The following STXBP3 variants were observed in gnomAD, a reference collection of about 807,000 sequenced individuals.
The protein encoded by STXBP3 is syntaxin binding protein 3, also known as syntaxin-binding protein 3.
STXBP3 carries 41 observed loss-of-function variants against 85.7 expected under a neutral mutation model. The ratio of observed to expected loss-of-function variants is 0.48; its 90% CI spans 0.37 to 0.62. The LOEUF (loss-of-function observed/expected upper bound fraction) is 0.62. Among genes scored for constraint, STXBP3 ranks in the 20% least tolerant of loss-of-function variants. The pLI, the probability that STXBP3 is intolerant of heterozygous loss-of-function variation, is 0.00. For synonymous variants in STXBP3, 229 were observed against 231.7 expected, an observed-to-expected ratio of 0.99 and a Z score of 0.10; for missense variants, 563 against 703.1, an observed-to-expected ratio of 0.80 and a Z score of 2.25.
chr1:108,773,561 C>A (rs555548317), intron 7 of STXBP3, among the ~76,000 whole-genome samples: 27 of 152,232 alleles, frequency 1.8e-4, no homozygotes, highest in African/African-American at 6.5e-4. Context: ...CCCAGTTATT[C>A]TAGTTCAGGC....
At chr1:108,799,560 C>T (rs1011638869) in intron 16 of STXBP3, among the ~76,000 whole-genome samples, 2 of 152,112 alleles carry the variant, frequency 1.3e-5, no homozygotes, top group Non-Finnish European at 2.9e-5. Context: ...CTACTGAGTA[C>T]TTTGTGCCCA....
intron 6 of STXBP3, among the ~76,000 whole-genome samples, chr1:108,764,031 C>T (rs910765708): frequency 6.6e-6 from 1 of 152,252 alleles, no homozygotes; most frequent in Admixed American, 6.5e-5. Flanking sequence ...TCCTTTCCCT[C>T]CTCCCACCCT....
intron 8 of STXBP3, among the ~76,000 whole-genome samples, chr1:108,777,819 A>G (rs1291790748): frequency 6.6e-6 from 1 of 152,108 alleles, no homozygotes; most frequent in Non-Finnish European, 1.5e-5. Flanking sequence ...TTCCTCCCAC[A>G]TGCTATCATA....
intron 9 of STXBP3, chr1:108,781,731 C>G (rs1306574629): frequency 6.6e-6 from 1 of 152,114 alleles, no homozygotes; most frequent in East Asian, 1.9e-4. Context: ...TTGTTTGAGT[C>G]AGAGTCTTGT....
At chr1:108,769,950 C>T (rs1662347251) in intron 6 of STXBP3, among the ~76,000 whole-genome samples, 1 of 152,160 alleles carries the variant, frequency 6.6e-6, no homozygotes, top group African/African-American at 2.4e-5. Context: ...TGGAGCCACA[C>T]AATAGCTTTT....
At chr1:108,760,489 G>T (rs564407235) in intron 6 of STXBP3, among the ~76,000 whole-genome samples, 1 of 152,108 alleles carries the variant, frequency 6.6e-6, no homozygotes, top group South Asian at 2.1e-4. Flanking sequence ...TATAAAGTGA[G>T]GGGATTTTTG....
At chr1:108,802,799 A>G (rs1013531663) in intron 17 of STXBP3, among the ~76,000 whole-genome samples, 3 of 152,308 alleles carry the variant, frequency 2.0e-5, no homozygotes, top group Middle Eastern at 3.4e-3. Context: ...CATGACCACA[A>G]GTGCTCTCTA....
chr1:108,778,147 A>T (rs538806839), intron 8 of STXBP3, among the ~76,000 whole-genome samples: 87 of 152,298 alleles, frequency 5.7e-4, no homozygotes, highest in Non-Finnish European at 8.4e-4. Flanking sequence ...AAATTTAATT[A>T]AATTAATGTG....
rs756947541 is a variant in STXBP3 at position 108,809,480 on chromosome 1, AATC to A, written c.*606_*608del. The A allele has an allele frequency of 6.6e-6, 1 of 152,382 alleles. No homozygotes were observed. Among genetic ancestry groups the A allele is most frequent in the East Asian group, 1.9e-4 (1 of 5,202 alleles). 9.4% of individuals were successfully genotyped at this position (152,382 alleles called of 1,614,324 possible). Reference sequence around the variant, plus strand: ...TGTATGTTTAAATTAGAAAACCAAAAATCATGAACATTCTAAGAGAAAATAAAT... The same window carrying A: ...TGTATGTTTAAATTAGAAAACCAAAAATGAACATTCTAAGAGAAAATAAAT... On this transcript the variant is annotated 3_prime_UTR_variant, in exon 19 of 19. Coordinates refer to ENST00000370008, the MANE Select transcript of STXBP3 (RefSeq NM_007269.4).
intron 11 of STXBP3, among the ~76,000 whole-genome samples, chr1:108,786,579 G>C (rs1288599107): frequency 6.6e-6 from 1 of 152,252 alleles, no homozygotes; most frequent in Non-Finnish European, 1.5e-5. Flanking sequence ...TAATGCATTT[G>C]TTGTGAATCA....
intron 16 of STXBP3, among the ~76,000 whole-genome samples, chr1:108,799,181 G>C (rs1410198406): frequency 6.6e-6 from 1 of 152,120 alleles, no homozygotes; most frequent in African/African-American, 2.4e-5. Flanking sequence ...GCATAACTAT[G>C]ATTTCTCTGT....
Position 108,796,740 on chromosome 1 carries a change from T to G in STXBP3, c.1356+14T>G. 2 of 1,606,894 alleles carry G rather than the reference T, an allele frequency of 1.2e-6. No individual in the cohort carries two copies. Among genetic ancestry groups the G allele is most frequent in the Non-Finnish European group, 1.7e-6 (2 of 1,174,566 alleles). ...ATTGTTCCCCAAGTAAGAAGTCTTATGTTGTGTATATACTTTATATGTATG... is the reference window on the plus strand; with the variant it reads ...ATTGTTCCCCAAGTAAGAAGTCTTAGGTTGTGTATATACTTTATATGTATG... On this transcript the variant is annotated intron_variant, in intron 15 of 18. Coordinates refer to ENST00000370008, the MANE Select transcript of STXBP3 (RefSeq NM_007269.4).
chr1:108,775,456 T>A (rs566004769), intron 7 of STXBP3, among the ~76,000 whole-genome samples: 1 of 152,242 alleles, frequency 6.6e-6, no homozygotes, highest in South Asian at 2.1e-4. Flanking sequence ...TTAGTTATTT[T>A]TAAATATACT....
At chr1:108,808,512 G>T (rs761116554) in intron 18 of STXBP3, among the ~76,000 whole-genome samples, 12 of 152,154 alleles carry the variant, frequency 7.9e-5, no homozygotes, top group Admixed American at 7.9e-4. Flanking sequence ...GGATAATCCC[G>T]TTTTGCCCTT....
rs200067017 is a variant in STXBP3 at position 108,746,726 on chromosome 1, A to T, written c.-12A>T. The T allele has an allele frequency of 1.9e-6, 3 of 1,549,018 alleles. No individual in the cohort carries two copies. The highest frequency in any genetic ancestry group is 2.0e-5 in the Admixed American group (1 of 50,924). On this transcript the variant is annotated 5_prime_UTR_variant, in exon 1 of 19. Transcript: ENST00000370008. ...TGGAAGGTGGTGGCTGCTGCTCCGC[A>T]GTGTCGGGAAGATGGCGCCGCCGGT...
At chr1:108,782,365 C>T in intron 9 of STXBP3, 57 bp from the exon 10 acceptor site, 2 of 1,270,296 alleles carry the variant, frequency 1.6e-6, no homozygotes, top group Non-Finnish European at 1.1e-6. Flanking sequence ...AAAAATGTTT[C>T]TTTTGATTTT....
rs1662491156 is a variant in STXBP3 at position 108,772,571 on chromosome 1, A to G, written c.439-94A>G. The G allele has an allele frequency of 2.4e-5, 10 of 419,014 alleles. No homozygotes were observed. In the Admixed American group the frequency reaches 5.9e-4, roughly 25 times the overall value. 26.0% of individuals were successfully genotyped at this position (419,014 alleles called of 1,614,324 possible). ...ATAAATACATATGATATATATCTAT[A>G]TAATATATACATTATATATAACATA... On this transcript the variant is annotated intron_variant, in intron 6 of 18. Transcript: ENST00000370008.
At chr1:108,777,301 CAAG>C (rs949161325) in intron 8 of STXBP3, among the ~76,000 whole-genome samples, 5 of 151,972 alleles carry the variant, frequency 3.3e-5, no homozygotes, top group African/African-American at 7.3e-5. Context: ...GAAGGCATCC[CAAG>C]AAGAAGAGGC....
intron 15 of STXBP3, among the ~76,000 whole-genome samples, 184 bp from the exon 16 acceptor site, chr1:108,797,961 A>AT (rs1464579772): frequency 3.9e-5 from 6 of 152,210 alleles, no homozygotes; most frequent in Non-Finnish European, 8.8e-5. Context: ...AAAGCACAAA[A>AT]TACTGTTCAG....
Sources: gnomAD v4.1 joint callset for allele counts (sites outside exome capture counted in the v4.1 genomes callset) on GRCh38, gnomAD v4.1.1 for gene constraint, MANE v1.5 for transcripts, NCBI Gene and HGNC (gene_info 2026-07-23, HGNC 2026-07-21) for gene names.